SEL1L3: variants seen among roughly 807,000 people sequenced by gnomAD.
SEL1L3 encodes SEL1L family member 3.
SEL1L3 carries 76 observed loss-of-function variants against 142.8 expected under a neutral mutation model. That is an observed-to-expected ratio of 0.53 (90% CI 0.44 to 0.64). The LOEUF is 0.64. SEL1L3 is among the 30% of genes least tolerant of loss of function. The probability of loss-of-function intolerance (pLI) is 0.00; values close to 1 mark genes in which losing one functional copy is unlikely to be tolerated. For synonymous variants in SEL1L3, 504 were observed against 519.6 expected, an observed-to-expected ratio of 0.97 and a Z score of 0.41; for missense variants, 1,262 against 1,381.7, an observed-to-expected ratio of 0.91 and a Z score of 1.37.
At chr4:25,738,642 A>G in the SEL1L3 span, among the ~76,000 whole-genome samples, 1 of 152,202 alleles carries the variant, frequency 6.6e-6, no homozygotes, top group Non-Finnish European at 1.5e-5. Context: ...GATTAAGGCC[A>G]ATTTTAGTTT....
At chr4:25,826,324 C>T (rs1715091880) in intron 6 of SEL1L3, among the ~76,000 whole-genome samples, 1 of 152,246 alleles carries the variant, frequency 6.6e-6, no homozygotes, top group South Asian at 2.1e-4. Context: ...AATTCCTGAT[C>T]TTCTCACACT....
In SEL1L3 at chr4:25,821,397, A is replaced by G. The variant is rs1215807176; in HGVS notation, c.1290+599T>C. Among the ~76,000 whole-genome samples, 3 of 152,312 alleles carry G rather than the reference A, an allele frequency of 2.0e-5. No individual in the cohort carries two copies. The East Asian group carries it at 5.8e-4, about 29-fold the overall frequency. On this transcript the variant is annotated intron_variant, in intron 7 of 23. Coordinates refer to ENST00000399878, the MANE Select transcript of SEL1L3 (RefSeq NM_015187.5). ...ACAAGTGCCCTGAAGGCTCCCTCAT[A>G]GGGAAATAGCCCTCTCCCCCGACCA...
chr4:25,789,027 G>C (rs1370105449), intron 12 of SEL1L3, among the ~76,000 whole-genome samples: 1 of 152,154 alleles, frequency 6.6e-6, no homozygotes, highest in African/African-American at 2.4e-5. Context: ...AAATGGCTCT[G>C]GCAGAGTCAT....
At chr4:25,842,389 G>A (rs1433960869) in intron 2 of SEL1L3, among the ~76,000 whole-genome samples, 2 of 151,966 alleles carry the variant, frequency 1.3e-5, no homozygotes, top group Non-Finnish European at 1.5e-5. Flanking sequence ...GTGGGCAGGG[G>A]GAGTCGGGGC....
chr4:25,829,945 A>G (rs1026647126), intron 6 of SEL1L3, among the ~76,000 whole-genome samples, 153 bp downstream of exon 6: 15 of 152,184 alleles, frequency 9.9e-5, no homozygotes, highest in African/African-American at 3.6e-4. Context: ...GGAAAAAAAA[A>G]GTACAAAGAC....
At chr4:25,832,592 G>A (rs943520713) in intron 5 of SEL1L3, among the ~76,000 whole-genome samples, 1 of 152,052 alleles carries the variant, frequency 6.6e-6, no homozygotes, top group African/African-American at 2.4e-5. Flanking sequence ...TCATTTCTTG[G>A]CTGAACTAAC....
intron 2 of SEL1L3, among the ~76,000 whole-genome samples, chr4:25,843,557 C>T (rs934358639): frequency 6.6e-6 from 1 of 152,214 alleles, no homozygotes; most frequent in African/African-American, 2.4e-5. Context: ...GTGAGTCAGG[C>T]ACACATGTGA....
intron 9 of SEL1L3, among the ~76,000 whole-genome samples, chr4:25,815,815 G>A (rs1166197282): frequency 6.6e-6 from 1 of 150,618 alleles, no homozygotes; most frequent in Non-Finnish European, 1.5e-5. Flanking sequence ...CCTCCCTGGG[G>A]ACTTGGGAGC....
In SEL1L3 at chr4:25,833,123, T is replaced by C; in HGVS notation, c.983-13A>G. The C allele has an allele frequency of 2.0e-6, 3 of 1,469,742 alleles. No individual in the cohort carries two copies. Among genetic ancestry groups the C allele is most frequent in the Non-Finnish European group, 2.9e-6 (3 of 1,049,112 alleles). The allele number at this position is 1,469,742 out of a possible 1,614,324, so 91.0% of individuals were successfully genotyped here. A position where few individuals can be genotyped will look rare whatever the true frequency, so the allele number is the denominator to read the frequency against. ...ATATGCAAATAGCCTAAAAGGAAAA[T>C]TCGAGCACATGAAAATGAGCAAAAA... is the stretch of plus-strand genomic sequence containing the variant. On this transcript the variant is annotated splice_polypyrimidine_tract_variant and intron_variant, in intron 4 of 23. Transcript: ENST00000399878.
rs149612287 is a variant in SEL1L3, at chr4:25,796,258, G to A, written c.1957-5684C>T. 1.4e-3 allele frequency among the ~76,000 whole-genome samples: 217 copies of A among 152,202 alleles called. 2 individuals are homozygous for A. The highest frequency in any genetic ancestry group is 2.1e-3 in the Non-Finnish European group (143 of 68,018). ...TCCAGTCAGCCTGCAGGCCACAGAG[G>A]GCGGTGCTCACAACATGTCCTGTCT... On this transcript the variant is annotated intron_variant, in intron 11 of 23. Coordinates refer to ENST00000399878, the MANE Select transcript of SEL1L3 (RefSeq NM_015187.5).
At chr4:25,827,986 A>G (rs1715199054) in intron 6 of SEL1L3, among the ~76,000 whole-genome samples, 1 of 152,190 alleles carries the variant, frequency 6.6e-6, no homozygotes, top group South Asian at 2.1e-4. Flanking sequence ...CCCAGGCTTC[A>G]CTGTCCTTGA....
At chr4:25,797,433 A>G (rs1712858886) in intron 11 of SEL1L3, among the ~76,000 whole-genome samples, 1 of 152,184 alleles carries the variant, frequency 6.6e-6, no homozygotes. Flanking sequence ...GGCTCCCAGT[A>G]GGAGTGCGTG....
intron 1 of SEL1L3, among the ~76,000 whole-genome samples, chr4:25,848,762 T>G (rs1391086169): frequency 6.6e-6 from 1 of 152,222 alleles, no homozygotes. Flanking sequence ...GGAACCCTTA[T>G]GCACTCTTAA....
chr4:25,798,810 A>C (rs1712972061), intron 11 of SEL1L3, among the ~76,000 whole-genome samples: 1 of 152,044 alleles, frequency 6.6e-6, no homozygotes, highest in Admixed American at 6.6e-5. Flanking sequence ...CCTGGGTGAT[A>C]AGAGTGAGAC....
the SEL1L3 span, among the ~76,000 whole-genome samples, chr4:25,723,759 C>G: frequency 2.0e-5 from 3 of 152,134 alleles, no homozygotes; most frequent in Non-Finnish European, 4.4e-5. Context: ...CTGCCAGGGC[C>G]CCACTCTAAG....
chr4:25,811,541 A>C (rs1157394171), intron 9 of SEL1L3, among the ~76,000 whole-genome samples: 1 of 152,218 alleles, frequency 6.6e-6, no homozygotes, highest in Non-Finnish European at 1.5e-5. Flanking sequence ...CTGGAAGTCA[A>C]ATTCCTCATT....
intron 11 of SEL1L3, among the ~76,000 whole-genome samples, chr4:25,794,138 C>T (rs911558501): frequency 5.9e-5 from 9 of 152,136 alleles, no homozygotes; most frequent in African/African-American, 1.9e-4. Flanking sequence ...GTGAAAATGT[C>T]AAAAGCAATT....
At chr4:25,778,155 C>T (rs7670075) in intron 16 of SEL1L3, among the ~76,000 whole-genome samples, 3,493 of 152,038 alleles carry the variant, frequency 0.023, 114 homozygotes, top group African/African-American at 0.077. Flanking sequence ...GGATGTGCTC[C>T]ACCAAAATTT....
At chr4:25,794,309 A>G (rs1279966870) in intron 11 of SEL1L3, among the ~76,000 whole-genome samples, 1 of 152,252 alleles carries the variant, frequency 6.6e-6, no homozygotes, top group Non-Finnish European at 1.5e-5. Context: ...TCTATAAGGA[A>G]CTTAAACAAA....
Sources: gnomAD v4.1 joint callset for allele counts (sites outside exome capture counted in the v4.1 genomes callset) on GRCh38, gnomAD v4.1.1 for gene constraint, MANE v1.5 for transcripts, NCBI Gene and HGNC (gene_info 2026-07-23, HGNC 2026-07-21) for gene names.